ERCC8: variants seen among roughly 807,000 people sequenced by gnomAD.
ERCC8 encodes the protein ERCC excision repair 8, CSA ubiquitin ligase complex subunit.
In ERCC8, 52 loss-of-function variants were observed where a neutral mutation model predicts 54.9. The observed-to-expected ratio is 0.95, with a 90% CI of 0.76 to 1.19. ERCC8 has a LOEUF of 1.19. ERCC8 is among the 50% of genes most tolerant of loss of function. The pLI, the probability that ERCC8 is intolerant of heterozygous loss-of-function variation, is 0.00. For missense variants in ERCC8, 514 were observed against 466.1 expected, an observed-to-expected ratio of 1.10 and a Z score of -0.95; for synonymous variants, 146 against 157.2, an observed-to-expected ratio of 0.93 and a Z score of 0.53.
At position 60,930,023 on chromosome 5, in the gene ERCC8, T is replaced by C. The variant is rs189856814; in HGVS notation, c.78-1064A>G. Among the ~76,000 whole-genome samples the C allele has an allele frequency of 8.7e-4, 132 of 152,360 alleles. 1 individual carries two copies. Among genetic ancestry groups the C allele is most frequent in the Non-Finnish European group, 5.0e-4 (34 of 68,032 alleles). On this transcript the variant is annotated intron_variant, in intron 1 of 11. Coordinates refer to ENST00000676185, the MANE Select transcript of ERCC8 (RefSeq NM_000082.4). Reference sequence around the variant, plus strand: ...AGGCATAAACTGATACTTTCATTCATTGACATTAGTACAAGTAATTATAAG... The same window carrying C: ...AGGCATAAACTGATACTTTCATTCACTGACATTAGTACAAGTAATTATAAG...
intron 9 of ERCC8, among the ~76,000 whole-genome samples, chr5:60,896,659 G>C (rs1286198593): frequency 6.6e-6 from 1 of 152,110 alleles, no homozygotes; most frequent in Non-Finnish European, 1.5e-5. Context: ...CAGTTTCTGG[G>C]ATACCTTAGT....
Position 60,928,029 on chromosome 5 carries a change from C to G in ERCC8, c.173+835G>C, listed in dbSNP as rs4647066. The stretch of plus-strand genomic sequence containing the variant: ...CAAAAACTGTTTCCTTTAGTTAATG[C>G]TATATGTGGCCTAATTATAGGCCAC... On this transcript the variant is annotated intron_variant, in intron 2 of 11. Coordinates refer to ENST00000676185, the MANE Select transcript of ERCC8 (RefSeq NM_000082.4). Among the ~76,000 whole-genome samples, 29,330 of 152,060 alleles carry G rather than the reference C, an allele frequency of 0.19. 3,339 individuals carry two copies. The highest frequency in any genetic ancestry group is 0.25 in the Non-Finnish European group (17,280 of 67,954).
chr5:60,887,567 T>C (rs1448324560), intron 10 of ERCC8, 47 bp from the exon 11 acceptor site: 1 of 1,320,010 alleles, frequency 7.6e-7, no homozygotes, highest in African/African-American at 1.4e-5. Context: ...AGAGCTGATA[T>C]CAAACTGAAA....
At chr5:60,904,423 G>T (rs1397192234) in intron 5 of ERCC8, among the ~76,000 whole-genome samples, 1 of 151,510 alleles carries the variant, frequency 6.6e-6, no homozygotes, top group East Asian at 1.9e-4. Flanking sequence ...GAGAAAGAAA[G>T]AATTTCCTTG....
rs2112444486 is a variant in ERCC8 at position 60,867,414 on chromosome 5, C to T, written c.*7201G>A. The stretch of plus-strand genomic sequence containing the variant: ...GGTTTACAGGTGTGAGCCACTGCGC[C>T]TGGCCTTATTTCTTTATAAAGCCAT... On this transcript the variant is annotated 3_prime_UTR_variant, in exon 12 of 12. Transcript: ENST00000676185. Among the ~76,000 whole-genome samples the T allele has an allele frequency of 6.6e-6, 1 of 152,258 alleles. No homozygotes were observed. The highest frequency in any genetic ancestry group is 2.1e-4 in the South Asian group (1 of 4,822).
At chr5:60,903,743 A>G (rs1748971340) in intron 5 of ERCC8, 27 bp from the exon 6 acceptor site, 1 of 1,607,754 alleles carries the variant, frequency 6.2e-7, no homozygotes, top group Non-Finnish European at 8.5e-7. Flanking sequence ...GGTTTAAGAT[A>G]ATTTTATCAT....
chr5:60,911,066 A>C (rs1447049726), intron 4 of ERCC8, among the ~76,000 whole-genome samples: 1 of 152,000 alleles, frequency 6.6e-6, no homozygotes, highest in Admixed American at 6.6e-5. Context: ...ATTTTTATAT[A>C]TTTTTTAATT....
In ERCC8 at chr5:60,872,194, G is replaced by C. The variant is rs1256795704; in HGVS notation, c.*2421C>G. ...CCTGGGCTTAATAAATCAATGATTTGAAACTATCAGAAGAAAACATGGAGA... is the reference window on the plus strand; with the variant it reads ...CCTGGGCTTAATAAATCAATGATTTCAAACTATCAGAAGAAAACATGGAGA... On this transcript the variant is annotated 3_prime_UTR_variant, in exon 12 of 12. Transcript: ENST00000676185. 6.6e-6 allele frequency among the ~76,000 whole-genome samples: 1 copy of C among 152,148 alleles called. No homozygotes were observed. The highest frequency in any genetic ancestry group is 1.5e-5 in the Non-Finnish European group (1 of 68,024).
In ERCC8 at chr5:60,902,645, A is replaced by G; in HGVS notation, c.551-137T>C. The G allele has an allele frequency of 1.8e-5, 13 of 713,930 alleles. No homozygotes were observed. The South Asian group carries it at 2.0e-4, about 11-fold the overall frequency. 44.2% of individuals were successfully genotyped at this position (713,930 alleles called of 1,614,324 possible). A position where few individuals can be genotyped will look rare whatever the true frequency, so the allele number is the denominator to read the frequency against. ...ATAGATATGACCATTTTTCAGATTT[A>G]TAATAATCGATGTTTCAATGCTAAT... On this transcript the variant is annotated intron_variant, in intron 6 of 11. Transcript: ENST00000676185.
chr5:60,897,274 C>G (rs1748749045), intron 9 of ERCC8, among the ~76,000 whole-genome samples: 1 of 152,112 alleles, frequency 6.6e-6, no homozygotes, highest in South Asian at 2.1e-4. Context: ...TCCTGTGATC[C>G]TTTCTTTGCT....
At chr5:60,898,783 G>T (rs1748791046) in intron 8 of ERCC8, among the ~76,000 whole-genome samples, 1 of 93,036 alleles carries the variant, frequency 1.1e-5, no homozygotes, top group Admixed American at 1.1e-4. Context: ...AATAATTCTA[G>T]TGTTTTCCAT....
At chr5:60,876,668 T>C (rs571837512) in intron 11 of ERCC8, among the ~76,000 whole-genome samples, 48 of 152,382 alleles carry the variant, frequency 3.1e-4, no homozygotes, top group Admixed American at 3.9e-4. Flanking sequence ...TTTGGCTGCA[T>C]AAATGTCTTC....
At chr5:60,893,307 ACTC>A in intron 9 of ERCC8, 1 of 908,004 alleles carries the variant, frequency 1.1e-6, no homozygotes, top group Non-Finnish European at 1.9e-6. Context: ...TTACACTGAA[ACTC>A]CTCCTGGCGT....
At chr5:60,916,863 T>G (rs1749451046) in intron 4 of ERCC8, among the ~76,000 whole-genome samples, 1 of 152,036 alleles carries the variant, frequency 6.6e-6, no homozygotes, top group African/African-American at 2.4e-5. Flanking sequence ...GCAGTTACTG[T>G]ACATAGCACT....
At chr5:60,895,879 G>T (rs1246259461) in intron 9 of ERCC8, among the ~76,000 whole-genome samples, 1 of 152,228 alleles carries the variant, frequency 6.6e-6, no homozygotes, top group Non-Finnish European at 1.5e-5. Context: ...ACTGGAAAGT[G>T]TTGAATGAGG....
chr5:60,897,277 T>C (rs1230579733), intron 9 of ERCC8, among the ~76,000 whole-genome samples: 1 of 152,190 alleles, frequency 6.6e-6, no homozygotes, highest in Non-Finnish European at 1.5e-5. Flanking sequence ...TGTGATCCTT[T>C]CTTTGCTTTG....
At chr5:60,875,297 TA>T (rs1407003487) in intron 11 of ERCC8, among the ~76,000 whole-genome samples, 2 of 152,202 alleles carry the variant, frequency 1.3e-5, no homozygotes, top group African/African-American at 4.8e-5. Context: ...GGCAGTTCAG[TA>T]AAACATGCAA....
chr5:60,938,090 A>ATATATATAT (rs1561519206), intron 1 of ERCC8, among the ~76,000 whole-genome samples: 2 of 21,848 alleles, frequency 9.2e-5, no homozygotes, highest in East Asian at 6.7e-3. Context: ...TATATATTTT[A>ATATATATAT]TTTTTTTTTT....
In ERCC8 at chr5:60,871,281, A is replaced by C. The variant is rs1478947684; in HGVS notation, c.*3334T>G. On this transcript the variant is annotated 3_prime_UTR_variant, in exon 12 of 12. Coordinates refer to ENST00000676185, the MANE Select transcript of ERCC8 (RefSeq NM_000082.4). ...TCACAAAATGCAGTATGATGCAGTT[A>C]ACAAAAAGAATAACTTTGTTATAAC... Among the ~76,000 whole-genome samples, 1 of 152,280 alleles carries C rather than the reference A, an allele frequency of 6.6e-6. No homozygotes were observed. Among genetic ancestry groups the C allele is most frequent in the African/African-American group, 2.4e-5 (1 of 41,480 alleles).
Sources: gnomAD v4.1 joint callset for allele counts (sites outside exome capture counted in the v4.1 genomes callset) on GRCh38, gnomAD v4.1.1 for gene constraint, MANE v1.5 for transcripts, NCBI Gene and HGNC (gene_info 2026-07-23, HGNC 2026-07-21) for gene names.